The following UST variants were observed in gnomAD, a reference collection of about 807,000 sequenced individuals.
UST encodes the protein chondroitin sulfate 2-O-sulfotransferase.
A neutral mutation model predicts 45.6 loss-of-function variants in UST; 21 were observed. That is an observed-to-expected ratio of 0.46 (90% CI 0.33 to 0.66). The LOEUF (loss-of-function observed/expected upper bound fraction) is 0.66, where lower values mean the gene tolerates loss of function less well. UST is among the 30% of genes least tolerant of loss of function. The pLI, the probability that UST is intolerant of heterozygous loss-of-function variation, is 0.02. For missense variants in UST, 463 were observed against 512.4 expected (o/e 0.90, Z 0.93); for synonymous variants, 215 against 200.6 (o/e 1.07, Z -0.61).
Position 148,998,049 on chromosome 6 carries a change from A to G in UST, c.682-21090A>G, listed in dbSNP as rs568722020. On this transcript the variant is annotated intron_variant, in intron 5 of 7. Transcript: ENST00000367463. ...TAAGCCAAAACTATTAGACTATTGC[A>G]TGTGAAAGAAAACGAAATTCTGAAC... Among the ~76,000 whole-genome samples the G allele has an allele frequency of 5.1e-4, 77 of 152,340 alleles. No homozygotes were observed. The South Asian group carries it at 0.011, about 22-fold the overall frequency.
chr6:148,885,848 G>A (rs1337939080), intron 1 of UST, among the ~76,000 whole-genome samples: 1 of 152,148 alleles, frequency 6.6e-6, no homozygotes, highest in East Asian at 1.9e-4. Flanking sequence ...CATCCACTCA[G>A]ACTAAGACAC....
At chr6:148,804,817 A>AAT (rs1300469426) in intron 1 of UST, among the ~76,000 whole-genome samples, 6 of 130,310 alleles carry the variant, frequency 4.6e-5, no homozygotes, top group African/African-American at 7.6e-5. Context: ...TTTATATGTA[A>AAT]ATATATATAT....
chr6:148,821,986 C>T (rs1009150967), intron 1 of UST, among the ~76,000 whole-genome samples: 1 of 152,128 alleles, frequency 6.6e-6, no homozygotes, highest in African/African-American at 2.4e-5. Flanking sequence ...TGAGCGGTTC[C>T]CTTACTTTAT....
intron 3 of UST, among the ~76,000 whole-genome samples, chr6:148,941,822 C>T (rs1343042737): frequency 6.6e-6 from 1 of 152,048 alleles, no homozygotes; most frequent in Non-Finnish European, 1.5e-5. Flanking sequence ...CACCAATGTC[C>T]AGGATCTTTA....
intron 2 of UST, among the ~76,000 whole-genome samples, chr6:148,928,910 AT>A (rs1434255009): frequency 6.6e-6 from 1 of 152,204 alleles, no homozygotes; most frequent in Non-Finnish European, 1.5e-5. Flanking sequence ...AAGCAATGTC[AT>A]TTTATGTAGA....
chr6:149,014,512 C>A lies in UST; in HGVS notation c.682-4627C>A, dbSNP rs1337349766. On this transcript the variant is annotated intron_variant, in intron 5 of 7. Coordinates refer to ENST00000367463, the MANE Select transcript of UST (RefSeq NM_005715.3). The stretch of plus-strand genomic sequence containing the variant: ...GAGAGTATGCGATGTGGCACCTGAG[C>A]CCTGTCCCAGGGACCCCATCTGCCA... Among the ~76,000 whole-genome samples the A allele has an allele frequency of 2.6e-5, 4 of 152,210 alleles. 1 individual carries two copies. The highest frequency in any genetic ancestry group is 2.6e-4 in the Admixed American group (4 of 15,292).
At chr6:149,017,596 A>C (rs1279883383) in intron 5 of UST, among the ~76,000 whole-genome samples, 1 of 146,378 alleles carries the variant, frequency 6.8e-6, no homozygotes, top group Non-Finnish European at 1.5e-5. Context: ...CCTGTAGTCT[A>C]TACTTTCATT....
At chr6:148,755,308 C>G (rs1424300804) in intron 1 of UST, among the ~76,000 whole-genome samples, 1 of 152,106 alleles carries the variant, frequency 6.6e-6, no homozygotes, top group African/African-American at 2.4e-5. Flanking sequence ...ACGTATGTTT[C>G]TCTTGAGTAA....
At chr6:148,915,275 A>G (rs1023109950) in intron 2 of UST, among the ~76,000 whole-genome samples, 2 of 152,236 alleles carry the variant, frequency 1.3e-5, no homozygotes, top group African/African-American at 4.8e-5. Flanking sequence ...GCAAATCTAA[A>G]GATAGGCACC....
At chr6:148,906,128 G>C (rs929423925) in intron 2 of UST, among the ~76,000 whole-genome samples, 1 of 152,194 alleles carries the variant, frequency 6.6e-6, no homozygotes, top group Non-Finnish European at 1.5e-5. Flanking sequence ...AGTGCCTCTA[G>C]CGCGGTGCTG....
chr6:148,831,251 A>G (rs1260446150), intron 1 of UST, among the ~76,000 whole-genome samples: 2 of 152,230 alleles, frequency 1.3e-5, no homozygotes, highest in African/African-American at 4.8e-5. Context: ...CTTCTGCGGT[A>G]CAATTCTCTC....
chr6:148,805,004 A>G (rs1777120296), intron 1 of UST, among the ~76,000 whole-genome samples: 1 of 152,012 alleles, frequency 6.6e-6, no homozygotes. Context: ...TAAAATTCTA[A>G]TTTTCACATA....
At chr6:148,885,938 A>G (rs893900759) in intron 1 of UST, among the ~76,000 whole-genome samples, 2 of 152,078 alleles carry the variant, frequency 1.3e-5, no homozygotes, top group Admixed American at 1.3e-4. Flanking sequence ...ATTTCATTCC[A>G]TTAGCTTGTT....
At chr6:148,964,233 G>T (rs577422546) in intron 4 of UST, among the ~76,000 whole-genome samples, 177 bp from the exon 5 acceptor site, 8 of 152,238 alleles carry the variant, frequency 5.3e-5, no homozygotes, top group Non-Finnish European at 1.2e-4. Flanking sequence ...CCCACTTCCT[G>T]CATGATAATA....
intron 1 of UST, among the ~76,000 whole-genome samples, chr6:148,833,408 G>A (rs558928074): frequency 2.6e-5 from 4 of 152,134 alleles, no homozygotes; most frequent in Admixed American, 6.5e-5. Context: ...GATCGCTTGA[G>A]CCCCGGAGGC....
chr6:148,875,484 G>A (rs1462649991), intron 1 of UST, among the ~76,000 whole-genome samples: 1 of 152,082 alleles, frequency 6.6e-6, no homozygotes, highest in Non-Finnish European at 1.5e-5. Flanking sequence ...TTTTGATTTT[G>A]TGAATAATAA....
intron 1 of UST, among the ~76,000 whole-genome samples, chr6:148,758,742 A>G (rs1411071116): frequency 1.3e-5 from 2 of 152,354 alleles, no homozygotes. Context: ...GTTAGCCTCC[A>G]GTAGGTGTTG....
chr6:148,888,879 C>T (rs1215108074), intron 2 of UST, among the ~76,000 whole-genome samples: 1 of 152,204 alleles, frequency 6.6e-6, no homozygotes, highest in Non-Finnish European at 1.5e-5. Context: ...GGATTATGTT[C>T]TCTCTGGGGA....
At chr6:148,884,739 G>A (rs1381386786) in intron 1 of UST, among the ~76,000 whole-genome samples, 1 of 152,158 alleles carries the variant, frequency 6.6e-6, no homozygotes, top group Non-Finnish European at 1.5e-5. Context: ...TATATGAGTA[G>A]GAGAGGAAAT....
Sources: gnomAD v4.1 joint callset for allele counts (sites outside exome capture counted in the v4.1 genomes callset) on GRCh38, gnomAD v4.1.1 for gene constraint, MANE v1.5 for transcripts, NCBI Gene and HGNC (gene_info 2026-07-23, HGNC 2026-07-21) for gene names.